Variants in ZNF398 observed in about 807,000 individuals in gnomAD.
ZNF398 encodes the protein zinc finger protein 398, also known as zinc finger DNA binding protein ZER6.
Under a neutral mutation model 41.9 loss-of-function variants are expected in ZNF398, and 18 were observed. The observed-to-expected ratio is 0.43, with a 90% CI of 0.30 to 0.64. ZNF398 has a LOEUF of 0.64. Among genes scored for constraint, ZNF398 ranks in the 30% least tolerant of loss-of-function variants. The pLI is 0.14. For synonymous variants in ZNF398, 260 were observed against 308.8 expected (o/e 0.84, Z 1.66); for missense variants, 669 against 822.8 (o/e 0.81, Z 2.29).
chr7:149,152,872 T>G (rs1435494773), intron 1 of ZNF398, among the ~76,000 whole-genome samples: 1 of 151,276 alleles, frequency 6.6e-6, no homozygotes, highest in Non-Finnish European at 1.5e-5. Context: ...TTTTTTTTTT[T>G]TTTTTGAGAC....
chr7:149,157,526 G>T (rs1296721816), intron 2 of ZNF398, among the ~76,000 whole-genome samples: 6 of 126,114 alleles, frequency 4.8e-5, no homozygotes, highest in Non-Finnish European at 8.2e-5. Flanking sequence ...CAGAGACTCC[G>T]TCTCAAAAAA....
intron 4 of ZNF398, among the ~76,000 whole-genome samples, chr7:149,175,851 A>AT (rs775466520): frequency 1.3e-5 from 2 of 151,608 alleles, no homozygotes; most frequent in African/African-American, 2.4e-5. Context: ...CGCCTGACTA[A>AT]TTTTTTTTAT....
chr7:149,139,802 G>A (rs1297219433), intron 2 of ZNF398, among the ~76,000 whole-genome samples: 1 of 151,722 alleles, frequency 6.6e-6, no homozygotes, highest in Non-Finnish European at 1.5e-5. Context: ...TCAGGAGATC[G>A]AGACCATCCT....
chr7:149,128,754 A>G (rs1393724141), intron 1 of ZNF398: 1 of 140,746 alleles, frequency 7.1e-6, no homozygotes, highest in Non-Finnish European at 1.5e-5. Context: ...CTCTGTCTCA[A>G]AAAAATAAAA....
chr7:149,133,597 C>G (rs1161724141), intron 2 of ZNF398, among the ~76,000 whole-genome samples: 1 of 147,356 alleles, frequency 6.8e-6, no homozygotes, highest in Non-Finnish European at 1.5e-5. Context: ...TCCCAAAGTT[C>G]TGGGATTACA....
At position 149,179,516 on chromosome 7, in the gene ZNF398, C is replaced by A; in HGVS notation, c.1644C>A (p.Phe548Leu). ...PFSCPHCGKS[F>L]IRKHHLMKHQ... ...GTTGTCCTCACTGTGGCAAGAGCTTCATCCGCAAGCACCACCTAATGAAAC... is the reference window on the plus strand; with the variant it reads ...GTTGTCCTCACTGTGGCAAGAGCTTAATCCGCAAGCACCACCTAATGAAAC... Residue 548 changes from phenylalanine to leucine, a missense_variant, in exon 6 of 6, where the codon TTC (phenylalanine) becomes TTA (leucine). By Grantham distance (22) the Phe-to-Leu change is conservative. Around this residue, in one of 3 missense-constraint regions of ZNF398, gnomAD observed 210 missense variants for 290.4 expected, o/e 0.72. Coordinates refer to ENST00000475153, the MANE Select transcript of ZNF398 (RefSeq NM_170686.3). This position sits in a 1 kb window ranked among gnomAD's most constrained non-coding sequence, Gnocchi z 6.1. 1 of 1,614,246 alleles carries A rather than the reference C, an allele frequency of 6.2e-7. No individual in the cohort carries two copies. The highest frequency in any genetic ancestry group is 8.5e-7 in the Non-Finnish European group (1 of 1,180,048).
At chr7:149,173,747 C>T (rs933855558) in intron 4 of ZNF398, among the ~76,000 whole-genome samples, 2 of 148,590 alleles carry the variant, frequency 1.3e-5, no homozygotes, top group Non-Finnish European at 3.0e-5. Context: ...TTTGTTGTTC[C>T]ATTTCTAGTG....
chr7:149,174,726 C>T (rs929314273), intron 4 of ZNF398, among the ~76,000 whole-genome samples: 1 of 151,950 alleles, frequency 6.6e-6, no homozygotes, highest in Non-Finnish European at 1.5e-5. Flanking sequence ...CTAGGGAGAC[C>T]GAGGTGGAAT....
Position 149,178,747 on chromosome 7 carries a change from C to G in ZNF398, c.875C>G (p.Ala292Gly), listed in dbSNP as rs151005743. ...TCTCCACCAGCAGCAGCAAAGGATG[C>G]TTTTTCAGATGTGGCTTTCAAAAGC... ...FSSPPAAAKD[A>G]FSDVAFKSQQ... The change falls in exon 6 of 6, where the codon GCT (alanine) becomes GGT (glycine). Residue 292 changes from alanine to glycine, a missense_variant. By Grantham distance (60) the Ala-to-Gly change is moderately conservative. Around this residue, in one of 3 missense-constraint regions of ZNF398, gnomAD observed 290 missense variants for 292.9 expected, o/e 0.99. Transcript: ENST00000475153. 308 of 1,614,226 alleles carry G rather than the reference C, an allele frequency of 1.9e-4. 1 individual carries two copies. In the African/African-American group the frequency reaches 3.6e-3, roughly 19 times the overall value.
intron 2 of ZNF398, among the ~76,000 whole-genome samples, chr7:149,142,206 ATTTTAG>A (rs1826840536): frequency 6.6e-6 from 1 of 152,182 alleles, no homozygotes; most frequent in African/African-American, 2.4e-5. Flanking sequence ...ATATTGATTT[ATTTTAG>A]GAAACATTCC....
chr7:149,127,746 AC>A (rs1563151089), intron 1 of ZNF398, among the ~76,000 whole-genome samples: 1 of 151,760 alleles, frequency 6.6e-6, no homozygotes, highest in African/African-American at 2.4e-5. Flanking sequence ...AAACAAAAAA[AC>A]TAACGTTTCT....
intron 2 of ZNF398, among the ~76,000 whole-genome samples, chr7:149,135,404 A>G (rs540014235): frequency 4.0e-4 from 59 of 149,172 alleles, no homozygotes; most frequent in African/African-American, 1.3e-3. Flanking sequence ...AAAAAAAAAA[A>G]AAAAAAAGAA....
At chr7:149,161,909 G>A (rs1795112807) in intron 2 of ZNF398, among the ~76,000 whole-genome samples, 1 of 151,840 alleles carries the variant, frequency 6.6e-6, no homozygotes, top group Non-Finnish European at 1.5e-5. Context: ...AAAGTATAGA[G>A]CTGCAAGCTT....
At chr7:149,160,829 G>C (rs1337561906) in intron 2 of ZNF398, among the ~76,000 whole-genome samples, 1 of 152,066 alleles carries the variant, frequency 6.6e-6, no homozygotes, top group Non-Finnish European at 1.5e-5. Context: ...CTAGAGATTG[G>C]TCTGTGCCTT....
chr7:149,157,745 G>C (rs985896916), intron 2 of ZNF398, among the ~76,000 whole-genome samples: 1 of 151,576 alleles, frequency 6.6e-6, no homozygotes, highest in African/African-American at 2.4e-5. Context: ...GGCTGAGACA[G>C]GAGAATTGCT....
chr7:149,179,569 C>A lies in ZNF398; in HGVS notation c.1697C>A (p.Pro566His), dbSNP rs1402180121. The A allele has an allele frequency of 1.2e-6, 2 of 1,614,078 alleles. No homozygotes were observed. The highest frequency in any genetic ancestry group is 4.5e-5 in the East Asian group (2 of 44,890). ...CAGCGCATCCACACCGGGGAGCGGC[C>A]CTACCCCTGCTCCTACTGTGGCAGG... ...KHQRIHTGER[P>H]YPCSYCGRSF... The change falls in exon 6 of 6, where the codon CCC (proline) becomes CAC (histidine). Residue 566 changes from proline to histidine, a missense_variant. By Grantham distance (77) the Pro-to-His change is moderately conservative. This residue lies in a region of ZNF398 where 210 missense variants were observed against 290.4 expected (regional missense o/e 0.72). Transcript: ENST00000475153. The surrounding 1 kb of genome is among the most constrained non-coding windows in gnomAD (Gnocchi z 6.1).
chr7:149,127,548 C>CAAAAAAAAAAAAAAAA (rs61080328), intron 1 of ZNF398, among the ~76,000 whole-genome samples: 17 of 74,864 alleles, frequency 2.3e-4, no homozygotes, highest in African/African-American at 2.6e-4. Context: ...ACTAAAAATA[C>CAAAAAAAAAAAAAAAA]AAAAAAAAAA....
At chr7:149,133,687 ATGTGT>A (rs1288905817) in intron 2 of ZNF398, among the ~76,000 whole-genome samples, 3 of 62,678 alleles carry the variant, frequency 4.8e-5, no homozygotes, top group East Asian at 8.3e-4. Context: ...ATACATATAT[ATGTGT>A]GTATATATAT....
intron 5 of ZNF398, 41 bp downstream of exon 5, chr7:149,176,622 C>A: frequency 7.3e-7 from 1 of 1,365,606 alleles, no homozygotes; most frequent in Non-Finnish European, 1.0e-6. Flanking sequence ...CCATATCCAG[C>A]TCATGCCAGG....
Sources: allele counts gnomAD v4.1 joint callset (sites outside exome capture counted in the v4.1 genomes callset), GRCh38; gene constraint gnomAD v4.1.1; regional missense constraint gnomAD v4.1.1; non-coding constraint Gnocchi (gnomAD v3.1); transcripts MANE v1.5; gene names NCBI Gene and HGNC (gene_info 2026-07-23, HGNC 2026-07-21).